BCAS3: variants seen among roughly 807,000 people sequenced by gnomAD.
The protein encoded by BCAS3 is BCAS3 microtubule associated cell migration factor, also known as BCAS4/BCAS3 fusion.
In BCAS3, 53 loss-of-function variants were observed where a neutral mutation model predicts 116.1. That is an observed-to-expected ratio of 0.46 (90% CI 0.37 to 0.57). BCAS3 has a LOEUF of 0.57. Among genes scored for constraint, BCAS3 ranks in the 20% least tolerant of loss-of-function variants. The pLI is 0.00. For missense variants in BCAS3, 917 were observed against 1,165.4 expected (o/e 0.79, Z 3.10); for synonymous variants, 391 against 408.2 (o/e 0.96, Z 0.51).
At chr17:60,867,252 C>G (rs540705528) in intron 7 of BCAS3, among the ~76,000 whole-genome samples, 38 of 151,958 alleles carry the variant, frequency 2.5e-4, no homozygotes, top group African/African-American at 9.2e-4. Flanking sequence ...ATTACAGGTG[C>G]TTGACACCAT....
intron 22 of BCAS3, among the ~76,000 whole-genome samples, chr17:61,165,158 A>G (rs1428270852): frequency 2.0e-5 from 3 of 152,188 alleles, no homozygotes. Flanking sequence ...TTCCCTAATT[A>G]TCTGGTATAT....
chr17:60,975,066 A>G lies in BCAS3; in HGVS notation c.1222-14905A>G, dbSNP rs955836783. Among the ~76,000 whole-genome samples, 10 of 150,496 alleles carry G rather than the reference A, an allele frequency of 6.6e-5. No homozygotes were observed. The East Asian group carries it at 9.7e-4, about 15-fold the overall frequency. On this transcript the variant is annotated intron_variant, in intron 14 of 23. Transcript: ENST00000407086. ...CCGGACTGCGGACTGCAGTGGCGCAATCTCGGCTCACTGCAAGCTCCGCCT... is the reference window on the plus strand; with the variant it reads ...CCGGACTGCGGACTGCAGTGGCGCAGTCTCGGCTCACTGCAAGCTCCGCCT...
intron 7 of BCAS3, among the ~76,000 whole-genome samples, chr17:60,861,657 T>C (rs1226250660): frequency 6.6e-6 from 1 of 152,208 alleles, no homozygotes; most frequent in East Asian, 1.9e-4. Flanking sequence ...TATTTTGAGG[T>C]ATGTTCCTTC....
At position 61,380,562 on chromosome 17, in the gene BCAS3, A is replaced by T; in HGVS notation, c.2594-11415A>T. 1 of 1,597,924 alleles carries T rather than the reference A, an allele frequency of 6.3e-7. No individual in the cohort carries two copies. Among genetic ancestry groups the T allele is most frequent in the Middle Eastern group, 1.7e-4 (1 of 6,060 alleles). On this transcript the variant is annotated intron_variant, in intron 23 of 23. Coordinates refer to ENST00000407086, the MANE Select transcript of BCAS3 (RefSeq NM_017679.5). This position sits in a 1 kb window ranked among gnomAD's most constrained non-coding sequence, Gnocchi z 4.2. ...CCCCCCTGAGAGACACGTGGCAGTG[A>T]AGTGTTTTGGTATGTAACGTCCTAT... is the stretch of plus-strand genomic sequence containing the variant.
At chr17:61,369,488 T>A (rs1346151546) in intron 23 of BCAS3, among the ~76,000 whole-genome samples, 1 of 152,204 alleles carries the variant, frequency 6.6e-6, no homozygotes, top group Non-Finnish European at 1.5e-5. Flanking sequence ...GTCAGAGCAC[T>A]GAGGCAGGGC....
At chr17:60,712,888 G>A (rs2144033850) in intron 5 of BCAS3, among the ~76,000 whole-genome samples, 1 of 152,262 alleles carries the variant, frequency 6.6e-6, no homozygotes, top group South Asian at 2.1e-4. Flanking sequence ...AAAGTTGAAT[G>A]GGCCCAAAGA....
rs2082490040 is a variant in BCAS3, at chr17:61,228,508, T to G, written c.2426-139819T>G. On this transcript the variant is annotated intron_variant, in intron 22 of 23. Coordinates refer to ENST00000407086, the MANE Select transcript of BCAS3 (RefSeq NM_017679.5). This position sits in a 1 kb window ranked among gnomAD's most constrained non-coding sequence, Gnocchi z 5.0. ...AGATTTGTGGCAACTGTGTTAAGTG[T>G]GTAGACATCATTTTTCTAACAGCAT... 6.6e-6 allele frequency among the ~76,000 whole-genome samples: 1 copy of G among 152,220 alleles called. No homozygotes were observed. Among genetic ancestry groups the G allele is most frequent in the Non-Finnish European group, 1.5e-5 (1 of 68,038 alleles).
intron 13 of BCAS3, among the ~76,000 whole-genome samples, chr17:60,929,154 C>CA (rs1350174743): frequency 6.6e-6 from 1 of 152,150 alleles, no homozygotes; most frequent in African/African-American, 2.4e-5. Flanking sequence ...GAGCCGGGCA[C>CA]ATTGCTTATA....
chr17:60,838,078 C>A (rs1008585094), intron 7 of BCAS3, among the ~76,000 whole-genome samples: 1 of 151,708 alleles, frequency 6.6e-6, no homozygotes, highest in African/African-American at 2.4e-5. Context: ...GAAGACATGG[C>A]GAGATAAACC....
In BCAS3 at chr17:60,801,320, A is replaced by G. The variant is rs2047753678; in HGVS notation, c.404-6684A>G. Among the ~76,000 whole-genome samples the G allele has an allele frequency of 1.3e-5, 2 of 152,096 alleles. 1 individual carries two copies. Among genetic ancestry groups the G allele is most frequent in the African/African-American group, 4.8e-5 (2 of 41,430 alleles). On this transcript the variant is annotated intron_variant, in intron 6 of 23. Transcript: ENST00000407086. ...AATTTTCATGTGTCCATGATAGTAT[A>G]TACTTTTGTATGCTGATCTTATAGC...
chr17:61,325,682 G>C lies in BCAS3; in HGVS notation c.2426-42645G>C, dbSNP rs1489192498. 6.6e-6 allele frequency among the ~76,000 whole-genome samples: 1 copy of C among 152,238 alleles called. No homozygotes were observed. The highest frequency in any genetic ancestry group is 2.4e-5 in the African/African-American group (1 of 41,462). On this transcript the variant is annotated intron_variant, in intron 22 of 23. Transcript: ENST00000407086. This position sits in a 1 kb window ranked among gnomAD's most constrained non-coding sequence, Gnocchi z 6.4. ...AGGGCCCCGTTTTCAAAGAATAACT[G>C]GCTGGCTTCCAGGAGTAACAGGCCT... is the stretch of plus-strand genomic sequence containing the variant.
rs2058840588 is a variant in BCAS3 at position 61,368,183 on chromosome 17, C to A, written c.2426-144C>A. On this transcript the variant is annotated intron_variant, in intron 22 of 23. Transcript: ENST00000407086. This position sits in a 1 kb window ranked among gnomAD's most constrained non-coding sequence, Gnocchi z 6.0. Reference sequence around the variant, plus strand: ...GGCATGAGCTATTTCTCCTGCGCTACCCAGTCTGTTGGCGGCGTGCTTCCA... The same window carrying A: ...GGCATGAGCTATTTCTCCTGCGCTAACCAGTCTGTTGGCGGCGTGCTTCCA... 1.2e-6 allele frequency: 1 copy of A among 800,214 alleles called. No homozygotes were observed. The highest frequency in any genetic ancestry group is 2.6e-5 in the Admixed American group (1 of 38,796). The allele number at this position is 800,214 out of a possible 1,614,324, so 49.6% of individuals were successfully genotyped here.
At chr17:61,291,385 T>C (rs528288369) in intron 22 of BCAS3, among the ~76,000 whole-genome samples, 14 of 152,352 alleles carry the variant, frequency 9.2e-5, no homozygotes, top group Middle Eastern at 3.4e-3. Flanking sequence ...TTGAGCTTGC[T>C]TTCTGTAGCT....
chr17:60,880,004 G>T (rs977112018), intron 9 of BCAS3, among the ~76,000 whole-genome samples: 2 of 152,176 alleles, frequency 1.3e-5, no homozygotes, highest in African/African-American at 4.8e-5. Flanking sequence ...TTACTATGAT[G>T]TTTTTAGGGC....
intron 22 of BCAS3, among the ~76,000 whole-genome samples, chr17:61,266,895 A>G (rs751275504): frequency 7.9e-5 from 12 of 152,226 alleles, no homozygotes; most frequent in Non-Finnish European, 1.5e-4. Flanking sequence ...GTGTCCTCAC[A>G]CACGCACATT....
intron 22 of BCAS3, among the ~76,000 whole-genome samples, chr17:61,359,150 G>A (rs551633825): frequency 6.6e-6 from 1 of 152,158 alleles, no homozygotes; most frequent in South Asian, 2.1e-4. Flanking sequence ...TTTCTCCTCT[G>A]GCTGCTTGCC....
At chr17:60,695,014 A>G (rs1437951021) in intron 4 of BCAS3, among the ~76,000 whole-genome samples, 1 of 151,650 alleles carries the variant, frequency 6.6e-6, no homozygotes, top group African/African-American at 2.4e-5. Context: ...GTGATTACCT[A>G]TTTCACTTAA....
In BCAS3 at chr17:61,356,021, G is replaced by A. The variant is rs533963851; in HGVS notation, c.2426-12306G>A. The stretch of plus-strand genomic sequence containing the variant: ...TTTCTTTTCTCTTTTTTGAGACTGA[G>A]TCTTACTCTGTGGCCCAGGCTGGAG... On this transcript the variant is annotated intron_variant, in intron 22 of 23. Transcript: ENST00000407086. The surrounding 1 kb of genome is among the most constrained non-coding windows in gnomAD (Gnocchi z 5.4). Among the ~76,000 whole-genome samples, 9 of 152,292 alleles carry A rather than the reference G, an allele frequency of 5.9e-5. No homozygotes were observed. In the East Asian group the frequency reaches 1.7e-3, roughly 29 times the overall value.
In BCAS3 at chr17:61,233,996, T is replaced by G. The variant is rs2082846569; in HGVS notation, c.2426-134331T>G. Among the ~76,000 whole-genome samples, 1 of 151,828 alleles carries G rather than the reference T, an allele frequency of 6.6e-6. No individual in the cohort carries two copies. The highest frequency in any genetic ancestry group is 1.5e-5 in the Non-Finnish European group (1 of 67,964). ...CAGGTTTGGTTTTTTTTTTTTTCAC[T>G]TAGTACCCACATCATGGAGCAAAAA... On this transcript the variant is annotated intron_variant, in intron 22 of 23. Coordinates refer to ENST00000407086, the MANE Select transcript of BCAS3 (RefSeq NM_017679.5). The surrounding 1 kb of genome is among the most constrained non-coding windows in gnomAD (Gnocchi z 4.3).
Sources: allele counts gnomAD v4.1 joint callset (sites outside exome capture counted in the v4.1 genomes callset), GRCh38; gene constraint gnomAD v4.1.1; non-coding constraint Gnocchi (gnomAD v3.1); transcripts MANE v1.5; gene names NCBI Gene and HGNC (gene_info 2026-07-23, HGNC 2026-07-21).